Variants in ENOX1 observed in about 807,000 individuals in gnomAD.
The protein encoded by ENOX1 is candidate growth-related and time keeping constitutive hydroquinone (NADH) oxidase.
ENOX1 carries 42 observed loss-of-function variants against 82.5 expected under a neutral mutation model. The ratio of observed to expected loss-of-function variants is 0.51; its 90% confidence interval spans 0.40 to 0.66. The LOEUF (loss-of-function observed/expected upper bound fraction) is 0.66, where lower values mean the gene tolerates loss of function less well. Ranked by LOEUF, ENOX1 falls within the 30% of genes least tolerant of loss-of-function variation. The pLI, the probability that ENOX1 is intolerant of heterozygous loss-of-function variation, is 0.00. For synonymous variants in ENOX1, 271 were observed against 282.2 expected (o/e 0.96, Z 0.40); for missense variants, 608 against 811.6 (o/e 0.75, Z 3.05).
At chr13:43,308,800 C>T (rs964827162) in intron 11 of ENOX1, among the ~76,000 whole-genome samples, 3 of 152,228 alleles carry the variant, frequency 2.0e-5, no homozygotes, top group Non-Finnish European at 4.4e-5. Flanking sequence ...TTCTGCTCTA[C>T]ACCAGCATCA....
At chr13:43,634,541 G>C (rs1271301931) in intron 2 of ENOX1, among the ~76,000 whole-genome samples, 3 of 152,190 alleles carry the variant, frequency 2.0e-5, no homozygotes, top group Non-Finnish European at 4.4e-5. Context: ...ATATGGAACA[G>C]GTCAAAAAGC....
At chr13:43,226,705 G>C (rs2042040366) in intron 15 of ENOX1, among the ~76,000 whole-genome samples, 1 of 152,180 alleles carries the variant, frequency 6.6e-6, no homozygotes, top group Non-Finnish European at 1.5e-5. Flanking sequence ...AGAAGGAAGA[G>C]TCAGCTTTGG....
At chr13:43,226,170 T>G (rs1566278968) in intron 15 of ENOX1, among the ~76,000 whole-genome samples, 1 of 152,190 alleles carries the variant, frequency 6.6e-6, no homozygotes. Context: ...GTAATTCTAT[T>G]ACTAATAAGA....
intron 2 of ENOX1, among the ~76,000 whole-genome samples, chr13:43,606,010 A>G (rs916220520): frequency 6.6e-6 from 1 of 152,216 alleles, no homozygotes; most frequent in Admixed American, 6.5e-5. Flanking sequence ...CTGAATAGAC[A>G]CTTCTCAAAA....
At chr13:43,478,412 G>A (rs948851428) in intron 3 of ENOX1, among the ~76,000 whole-genome samples, 49 of 151,960 alleles carry the variant, frequency 3.2e-4, no homozygotes, top group African/African-American at 1.1e-3. Flanking sequence ...CAGGAAATGA[G>A]AAATTCTGAG....
At position 43,356,024 on chromosome 13, in the gene ENOX1, G is replaced by A; in HGVS notation, c.718C>T (p.Arg240Trp). Residue 240 changes from arginine (R) to tryptophan (W), a missense_variant, in exon 8 of 17, where the codon CGG becomes TGG. Transcript: ENST00000690772. Reference sequence around the variant, plus strand: ...TCCTCCTCCAGCTTGCGCCGGTGCCGCTCCTCCCGGGCACGCATCCTCTGC... The same window carrying A: ...TCCTCCTCCAGCTTGCGCCGGTGCCACTCCTCCCGGGCACGCATCCTCTGC... ...CKQRMRAREE[R>W]HRRKLEEDRL... The A allele has an allele frequency of 1.2e-6, 2 of 1,614,066 alleles. No individual in the cohort carries two copies. The highest frequency in any genetic ancestry group is 1.7e-6 in the Non-Finnish European group (2 of 1,180,032).
chr13:43,732,662 T>G (rs1397925829), intron 1 of ENOX1, among the ~76,000 whole-genome samples: 1 of 152,226 alleles, frequency 6.6e-6, no homozygotes, highest in African/African-American at 2.4e-5. Flanking sequence ...GTAAGATATG[T>G]TGCCTCTTAA....
At chr13:43,738,720 A>AT (rs138783098) in intron 1 of ENOX1, among the ~76,000 whole-genome samples, 14,150 of 53,180 alleles carry the variant, frequency 0.27, 1,087 homozygotes, top group African/African-American at 0.31. Flanking sequence ...ATATATATAG[A>AT]TTTTTTTGTT....
intron 2 of ENOX1, among the ~76,000 whole-genome samples, chr13:43,577,270 C>T (rs1593908922): frequency 1.3e-5 from 2 of 151,974 alleles, no homozygotes; most frequent in Non-Finnish European, 2.9e-5. Context: ...TAGCTGGGAT[C>T]ACAGGCATGC....
At chr13:43,225,123 T>C (rs1279414541) in intron 15 of ENOX1, among the ~76,000 whole-genome samples, 1 of 152,194 alleles carries the variant, frequency 6.6e-6, no homozygotes, top group South Asian at 2.1e-4. Flanking sequence ...TGCAGCAACA[T>C]TGATGCACCT....
At chr13:43,415,796 GGCCGGGCAGAAGC>G in intron 3 of ENOX1, among the ~76,000 whole-genome samples, 1 of 151,738 alleles carries the variant, frequency 6.6e-6, no homozygotes, top group South Asian at 2.1e-4. Context: ...CAGATGGGGC[GGCCGGGCAGAAGC>G]GCTCCTCACT....
intron 12 of ENOX1, among the ~76,000 whole-genome samples, chr13:43,285,718 T>C (rs2045654616): frequency 7.2e-6 from 1 of 139,714 alleles, no homozygotes; most frequent in African/African-American, 2.7e-5. Context: ...GGCAGGAGAA[T>C]AGAATAGCTT....
intron 5 of ENOX1, among the ~76,000 whole-genome samples, chr13:43,392,449 C>T (rs58534668): frequency 0.51 from 78,226 of 152,088 alleles, 24,979 homozygotes; most frequent in Non-Finnish European, 0.73. Flanking sequence ...GAGGGCGAGG[C>T]GGGTGGATCC....
In ENOX1 at chr13:43,706,551, GA is replaced by G. The variant is rs550211373; in HGVS notation, c.-284-39008del. ...AATACATAAACAGATAATACAGCTT[GA>G]CCATATGGTATTTTTCCCAAAAATA... On this transcript the variant is annotated intron_variant, in intron 1 of 16. Transcript: ENST00000690772. Among the ~76,000 whole-genome samples the G allele has an allele frequency of 8.6e-5, 13 of 151,940 alleles. No individual in the cohort carries two copies. In the East Asian group the frequency reaches 2.3e-3, roughly 27 times the overall value.
intron 2 of ENOX1, among the ~76,000 whole-genome samples, chr13:43,539,342 C>T (rs1455478937): frequency 1.3e-5 from 2 of 152,118 alleles, no homozygotes; most frequent in African/African-American, 2.4e-5. Flanking sequence ...GCATTAGTTG[C>T]ATTTTATATA....
chr13:43,681,009 G>A (rs1463121617), intron 1 of ENOX1, among the ~76,000 whole-genome samples: 3 of 152,066 alleles, frequency 2.0e-5, no homozygotes, highest in Non-Finnish European at 4.4e-5. Context: ...AACAGGAGGT[G>A]CATTTCTGTA....
At chr13:43,626,217 T>C (rs200981092) in intron 2 of ENOX1, among the ~76,000 whole-genome samples, 1 of 151,868 alleles carries the variant, frequency 6.6e-6, no homozygotes, top group East Asian at 1.9e-4. Context: ...CAGTAATTTA[T>C]GTATCCTCCC....
intron 1 of ENOX1, among the ~76,000 whole-genome samples, chr13:43,714,374 A>G (rs1353407808): frequency 3.9e-5 from 6 of 152,146 alleles, no homozygotes. Context: ...GTGGTGCTGA[A>G]AAAAATGTAT....
At chr13:43,233,886 C>T (rs1263768016) in intron 15 of ENOX1, among the ~76,000 whole-genome samples, 2 of 151,644 alleles carry the variant, frequency 1.3e-5, no homozygotes, top group Non-Finnish European at 1.5e-5. Flanking sequence ...CTTAATTATT[C>T]CAAGGGAAGA....
Sources: allele counts gnomAD v4.1 joint callset (sites outside exome capture counted in the v4.1 genomes callset), GRCh38; gene constraint gnomAD v4.1.1; transcripts MANE v1.5; gene names NCBI Gene and HGNC (gene_info 2026-07-23, HGNC 2026-07-21).